Variants in GPM6A observed in about 807,000 individuals in gnomAD.
The protein encoded by GPM6A is neuronal membrane glycoprotein M6-a.
In GPM6A, 7 loss-of-function variants were observed where a neutral mutation model predicts 32.1. That is an observed-to-expected ratio of 0.22 (90% confidence interval 0.12 to 0.41). The LOEUF (loss-of-function observed/expected upper bound fraction) is 0.41. GPM6A is among the 10% of genes least tolerant of loss of function. The pLI is 1.00. For missense variants in GPM6A, 235 were observed against 347.2 expected (o/e 0.68, Z 2.57); for synonymous variants, 130 against 123.4 (o/e 1.05, Z -0.35).
chr4:175,812,425 A>G (rs1448884824), upstream of GPM6A: 4 of 1,295,248 alleles, frequency 3.1e-6, no homozygotes, highest in Non-Finnish European at 3.9e-6. Flanking sequence ...GCTTGGAGAC[A>G]GGCTGTCAAG....
At chr4:175,925,853 T>TC in intron 1 of GPM6A, among the ~76,000 whole-genome samples, 3 of 150,360 alleles carry the variant, frequency 2.0e-5, no homozygotes, top group African/African-American at 7.3e-5. Context: ...TTCTTTTCTT[T>TC]TTTTTTTTTT....
intron 1 of GPM6A, among the ~76,000 whole-genome samples, chr4:175,929,092 T>C (rs1738941143): frequency 6.6e-6 from 1 of 152,170 alleles, no homozygotes; most frequent in South Asian, 2.1e-4. Flanking sequence ...TATCTTTCAA[T>C]AGATTCAGAG....
intron 1 of GPM6A, among the ~76,000 whole-genome samples, chr4:175,926,020 G>A (rs1738829020): frequency 6.6e-6 from 1 of 151,698 alleles, no homozygotes; most frequent in Non-Finnish European, 1.5e-5. Flanking sequence ...CCCAGCTAAT[G>A]TTTATATTTG....
chr4:175,972,903 C>T (rs1740550787), intron 1 of GPM6A, among the ~76,000 whole-genome samples: 2 of 152,134 alleles, frequency 1.3e-5, no homozygotes, highest in South Asian at 2.1e-4. Context: ...AACTCAGATC[C>T]ATGGGGCAGT....
At chr4:175,869,120 T>C (rs1176939768) in intron 1 of GPM6A, among the ~76,000 whole-genome samples, 2 of 152,260 alleles carry the variant, frequency 1.3e-5, no homozygotes, top group East Asian at 3.9e-4. Flanking sequence ...TCACAAACAA[T>C]TACATTTCAC....
At chr4:175,993,092 C>A (rs980736362) in intron 1 of GPM6A, among the ~76,000 whole-genome samples, 1 of 151,954 alleles carries the variant, frequency 6.6e-6, no homozygotes, top group African/African-American at 2.4e-5. Flanking sequence ...TTTGCTTGAC[C>A]TTGGACCCGT....
chr4:175,974,629 T>C (rs932380150), intron 1 of GPM6A, among the ~76,000 whole-genome samples: 2 of 152,154 alleles, frequency 1.3e-5, no homozygotes, highest in African/African-American at 4.8e-5. Context: ...CACAAGGCCA[T>C]GTACATAAGA....
chr4:175,812,316 T>TGTTTTG, upstream of GPM6A: 1 of 1,319,762 alleles, frequency 7.6e-7, no homozygotes. Context: ...TTTTTTTTTT[T>TGTTTTG]TTTTTTTTTT....
At chr4:175,692,145 T>G (rs1483626656) in intron 2 of GPM6A, among the ~76,000 whole-genome samples, 1 of 152,184 alleles carries the variant, frequency 6.6e-6, no homozygotes, top group African/African-American at 2.4e-5. Context: ...TGGTAATTCT[T>G]TTTTGCAGCA....
chr4:175,846,301 C>G (rs1048065453), intron 1 of GPM6A, among the ~76,000 whole-genome samples: 21 of 152,202 alleles, frequency 1.4e-4, no homozygotes, highest in African/African-American at 5.1e-4. Context: ...AAATTTTGTA[C>G]ACGTTTTTGC....
intron 1 of GPM6A, among the ~76,000 whole-genome samples, chr4:175,765,995 C>A (rs1732948138): frequency 6.6e-6 from 1 of 152,164 alleles, no homozygotes; most frequent in Non-Finnish European, 1.5e-5. Context: ...AATCAGGGTG[C>A]CCCAACATTA....
intron 1 of GPM6A, among the ~76,000 whole-genome samples, chr4:175,904,083 A>AT (rs906851042): frequency 6.6e-6 from 1 of 152,120 alleles, no homozygotes; most frequent in African/African-American, 2.4e-5. Context: ...GTAGCACACT[A>AT]TTTTTTTCAA....
At chr4:175,667,061 T>A (rs752794368) in intron 3 of GPM6A, among the ~76,000 whole-genome samples, 2 of 152,200 alleles carry the variant, frequency 1.3e-5, no homozygotes, top group Non-Finnish European at 2.9e-5. Context: ...ACTTCAAGGT[T>A]TTAAGTATTC....
At chr4:175,758,229 G>A (rs1212328492) in intron 1 of GPM6A, among the ~76,000 whole-genome samples, 1 of 151,966 alleles carries the variant, frequency 6.6e-6, no homozygotes, top group Admixed American at 6.6e-5. Flanking sequence ...ACAACACAGG[G>A]CTGGGACAAA....
At chr4:175,843,324 C>T (rs1735995495) in intron 1 of GPM6A, among the ~76,000 whole-genome samples, 1 of 152,124 alleles carries the variant, frequency 6.6e-6, no homozygotes, top group Non-Finnish European at 1.5e-5. Context: ...CTTTTACATT[C>T]ATTTTTTTCT....
intron 2 of GPM6A, 104 bp downstream of exon 2, chr4:175,701,471 T>C (rs917702074): frequency 2.5e-6 from 2 of 810,682 alleles, no homozygotes; most frequent in Non-Finnish European, 4.1e-6. Context: ...AAGTGCTGTT[T>C]CATATATATT....
At chr4:175,834,104 G>C (rs1439439812) in intron 1 of GPM6A, among the ~76,000 whole-genome samples, 2 of 152,040 alleles carry the variant, frequency 1.3e-5, no homozygotes, top group African/African-American at 4.8e-5. Context: ...CTGCCAAAGA[G>C]GCCGTGACTA....
chr4:175,913,029 G>A (rs1738371515), intron 1 of GPM6A, among the ~76,000 whole-genome samples: 1 of 152,032 alleles, frequency 6.6e-6, no homozygotes, highest in South Asian at 2.1e-4. Flanking sequence ...TGGTTCTAAT[G>A]GAAACAAACT....
intron 1 of GPM6A, among the ~76,000 whole-genome samples, chr4:175,929,274 GC>G (rs1738947937): frequency 6.6e-6 from 1 of 152,102 alleles, no homozygotes; most frequent in African/African-American, 2.4e-5. Context: ...ATCCTTATAT[GC>G]CTGATATCAC....
Sources: gnomAD v4.1 joint callset for allele counts (sites outside exome capture counted in the v4.1 genomes callset) on GRCh38, gnomAD v4.1.1 for gene constraint, MANE v1.5 for transcripts, NCBI Gene and HGNC (gene_info 2026-07-23, HGNC 2026-07-21) for gene names.